CPNE4: variants seen among roughly 807,000 people sequenced by gnomAD.
CPNE4 encodes the protein copine-4.
A neutral mutation model predicts 67.9 loss-of-function variants in CPNE4; 25 were observed. That is an observed-to-expected ratio of 0.37 (90% CI 0.27 to 0.51). The LOEUF is 0.51. Among genes scored for constraint, CPNE4 ranks in the 20% least tolerant of loss-of-function variants. The pLI, the probability that CPNE4 is intolerant of heterozygous loss-of-function variation, is 0.93. For missense variants in CPNE4, 464 were observed against 690.8 expected, an observed-to-expected ratio of 0.67 and a Z score of 3.68; for synonymous variants, 242 against 244.9, an observed-to-expected ratio of 0.99 and a Z score of 0.11.
chr3:131,832,730 T>C (rs1459133785), intron 2 of CPNE4, among the ~76,000 whole-genome samples: 2 of 152,214 alleles, frequency 1.3e-5, no homozygotes, highest in Non-Finnish European at 2.9e-5. Context: ...AACTGTACCT[T>C]CAGTCTCACC....
intron 1 of CPNE4, among the ~76,000 whole-genome samples, chr3:132,014,077 T>G (rs2073835177): frequency 6.6e-6 from 1 of 152,170 alleles, no homozygotes. Context: ...TCTCCCATGA[T>G]GTAGAGAATG....
chr3:131,854,678 T>A lies in CPNE4; in HGVS notation c.180+50586A>T, dbSNP rs531229843. On this transcript the variant is annotated intron_variant, in intron 2 of 15. Transcript: ENST00000429747. Reference sequence around the variant, plus strand: ...TCCATTCTATTACCAAAATAAAAAATTATTCAACATCTTTAGGCAGAGGGT... The same window carrying A: ...TCCATTCTATTACCAAAATAAAAAAATATTCAACATCTTTAGGCAGAGGGT... Among the ~76,000 whole-genome samples the A allele has an allele frequency of 1.2e-4, 18 of 151,974 alleles. No individual in the cohort carries two copies. In the South Asian group the frequency reaches 3.7e-3, roughly 31 times the overall value.
At chr3:131,650,744 C>CAAAAAAAAAAAAAAAAAAAA (rs141219633) in intron 7 of CPNE4, among the ~76,000 whole-genome samples, 1 of 61,196 alleles carries the variant, frequency 1.6e-5, no homozygotes. Context: ...GACTCCGTCT[C>CAAAAAAAAAAAAAAAAAAAA]AAAAAAAAAA....
chr3:131,993,739 T>C (rs1451955324), intron 1 of CPNE4, among the ~76,000 whole-genome samples: 1 of 135,992 alleles, frequency 7.4e-6, no homozygotes, highest in African/African-American at 2.5e-5. Flanking sequence ...TAACTTTACA[T>C]TTCTCTAATT....
At chr3:131,667,215 T>C (rs1337567786) in intron 7 of CPNE4, among the ~76,000 whole-genome samples, 1 of 152,076 alleles carries the variant, frequency 6.6e-6, no homozygotes, top group Non-Finnish European at 1.5e-5. Flanking sequence ...AAAAAAAAAT[T>C]AGAATATTTT....
intron 2 of CPNE4, among the ~76,000 whole-genome samples, chr3:131,754,777 C>T (rs1227732610): frequency 6.6e-6 from 1 of 152,108 alleles, no homozygotes; most frequent in Non-Finnish European, 1.5e-5. Flanking sequence ...CCAAGGCACC[C>T]CTGGGCACCA....
At chr3:131,824,149 T>C (rs2085064447) in intron 2 of CPNE4, among the ~76,000 whole-genome samples, 1 of 142,880 alleles carries the variant, frequency 7.0e-6, no homozygotes, top group Non-Finnish European at 1.5e-5. Context: ...TTTATATAAA[T>C]AAAGTGTGAG....
At chr3:131,716,946 G>A (rs992823721) in intron 3 of CPNE4, among the ~76,000 whole-genome samples, 3 of 152,206 alleles carry the variant, frequency 2.0e-5, no homozygotes, top group Non-Finnish European at 4.4e-5. Flanking sequence ...CCCTGCCCGG[G>A]GGTGCCCAAC....
chr3:131,581,612 C>T lies in CPNE4; in HGVS notation c.834G>A (p.Lys278=). 1 of 1,613,608 alleles carries T rather than the reference C, an allele frequency of 6.2e-7. No individual in the cohort carries two copies. Among genetic ancestry groups the T allele is most frequent in the Non-Finnish European group, 8.5e-7 (1 of 1,179,580 alleles). The stretch of plus-strand genomic sequence containing the variant: ...GATTCAGAATCACAGTGCCTGAGTT[C>T]TTGTAATTCTTCTTCTTGGCTTTGT... ...PKYKAKKKNY[K]NSGTVILNLC... is the part of the protein sequence containing the mutation. The change falls in exon 9 of 16, where the codon AAG becomes AAA. Residue 278 remains lysine, a synonymous_variant. Coordinates refer to ENST00000429747, the MANE Select transcript of CPNE4 (RefSeq NM_130808.3).
In CPNE4 at chr3:131,880,216, C is replaced by T. The variant is rs35651562; in HGVS notation, c.180+25048G>A. 5.3e-3 allele frequency among the ~76,000 whole-genome samples: 800 copies of T among 151,504 alleles called. 3 individuals are homozygous for T. The highest frequency in any genetic ancestry group is 9.7e-3 in the Non-Finnish European group (660 of 67,914). On this transcript the variant is annotated intron_variant, in intron 2 of 15. Transcript: ENST00000429747. ...CTGCAAGCTCCGCCTCCCGGGTTCA[C>T]GCCATTCTCCTGCCTCACCCTCCAA... is the stretch of plus-strand genomic sequence containing the variant.
At chr3:131,964,768 G>A (rs758779165) in intron 1 of CPNE4, among the ~76,000 whole-genome samples, 1 of 152,048 alleles carries the variant, frequency 6.6e-6, no homozygotes, top group Non-Finnish European at 1.5e-5. Flanking sequence ...TGAAAGTGAT[G>A]AGGAGAATGG....
At chr3:131,812,220 G>GAAAA (rs34281349) in intron 2 of CPNE4, among the ~76,000 whole-genome samples, 1 of 135,110 alleles carries the variant, frequency 7.4e-6, no homozygotes, top group Non-Finnish European at 1.6e-5. Context: ...AAAATTGGAA[G>GAAAA]AAAAAAAAAA....
intron 2 of CPNE4, among the ~76,000 whole-genome samples, chr3:131,727,933 T>C (rs962590926): frequency 4.6e-5 from 7 of 152,238 alleles, no homozygotes; most frequent in African/African-American, 9.6e-5. Context: ...TAGTTTATCC[T>C]TTTATTGCCC....
intron 4 of CPNE4, among the ~76,000 whole-genome samples, chr3:131,697,610 A>C (rs1268691167): frequency 6.6e-6 from 1 of 152,216 alleles, no homozygotes; most frequent in Non-Finnish European, 1.5e-5. Flanking sequence ...AGACCCAAAA[A>C]TGTGTGAACA....
intron 2 of CPNE4, among the ~76,000 whole-genome samples, chr3:131,763,750 T>C (rs1178333085): frequency 1.3e-5 from 2 of 152,096 alleles, no homozygotes; most frequent in Non-Finnish European, 2.9e-5. Flanking sequence ...TTCAACAATA[T>C]ATAACAAAAG....
chr3:131,724,522 T>C (rs2081959305), intron 2 of CPNE4, among the ~76,000 whole-genome samples: 1 of 152,234 alleles, frequency 6.6e-6, no homozygotes, highest in Non-Finnish European at 1.5e-5. Flanking sequence ...CCTGGCACCC[T>C]TGCCCTCTGG....
chr3:131,947,626 C>T (rs892202275), intron 1 of CPNE4, among the ~76,000 whole-genome samples: 2 of 152,110 alleles, frequency 1.3e-5, no homozygotes, highest in African/African-American at 4.8e-5. Context: ...TTTATTTATC[C>T]AGTCTATCAT....
intron 7 of CPNE4, among the ~76,000 whole-genome samples, chr3:131,608,010 G>A (rs1215364669): frequency 1.3e-5 from 2 of 152,146 alleles, no homozygotes; most frequent in Non-Finnish European, 2.9e-5. Flanking sequence ...TAATTGTTAA[G>A]ATTAGGGCAT....
intron 1 of CPNE4, among the ~76,000 whole-genome samples, chr3:132,025,928 T>C (rs2074106202): frequency 6.6e-6 from 1 of 152,184 alleles, no homozygotes; most frequent in African/African-American, 2.4e-5. Flanking sequence ...TGATTTAAAG[T>C]CAATGCGTAA....
Sources: allele counts gnomAD v4.1 joint callset (sites outside exome capture counted in the v4.1 genomes callset), GRCh38; gene constraint gnomAD v4.1.1; transcripts MANE v1.5; gene names NCBI Gene and HGNC (gene_info 2026-07-23, HGNC 2026-07-21).